Variants in IRS1 observed in about 807,000 individuals in gnomAD.
The protein encoded by IRS1 is insulin receptor substrate 1.
IRS1 carries 34 observed loss-of-function variants against 65.6 expected under a neutral mutation model. The observed-to-expected ratio is 0.52, with a 90% CI of 0.39 to 0.69. IRS1 has a LOEUF of 0.69. Among genes scored for constraint, IRS1 ranks in the 30% least tolerant of loss-of-function variants. The pLI is 0.00. For missense variants in IRS1, 1,641 were observed against 1,720.2 expected (o/e 0.95, Z 0.81); for synonymous variants, 699 against 683.5 (o/e 1.02, Z -0.35).
intron 1 of IRS1, among the ~76,000 whole-genome samples, chr2:226,793,549 T>G (rs1054316783): frequency 3.3e-5 from 5 of 152,246 alleles, no homozygotes; most frequent in African/African-American, 4.8e-5. Flanking sequence ...CTTTTTCTTG[T>G]TCTATAAAAT....
At chr2:226,786,231 T>A (rs1276262415) in intron 1 of IRS1, among the ~76,000 whole-genome samples, 1 of 151,902 alleles carries the variant, frequency 6.6e-6, no homozygotes, top group Non-Finnish European at 1.5e-5. Flanking sequence ...TATAGCAGCA[T>A]GATTTATAGT....
intron 1 of IRS1, among the ~76,000 whole-genome samples, chr2:226,757,796 A>C (rs762126975): frequency 4.6e-5 from 7 of 152,222 alleles, no homozygotes; most frequent in Non-Finnish European, 7.4e-5. Flanking sequence ...TTTCCCTTGA[A>C]CTTTGCTATT....
intron 1 of IRS1, among the ~76,000 whole-genome samples, chr2:226,768,995 C>A (rs1464550595): frequency 6.6e-6 from 1 of 152,160 alleles, no homozygotes; most frequent in African/African-American, 2.4e-5. Context: ...TTCAGTGACC[C>A]ATTCTCTAAC....
intron 1 of IRS1, among the ~76,000 whole-genome samples, chr2:226,778,301 G>A (rs1939312020): frequency 6.6e-6 from 1 of 152,100 alleles, no homozygotes; most frequent in Non-Finnish European, 1.5e-5. Context: ...TCTCTCACAT[G>A]TAAATGAAGG....
chr2:226,748,400 G>A (rs1014431520), intron 1 of IRS1, among the ~76,000 whole-genome samples: 1 of 134,622 alleles, frequency 7.4e-6, no homozygotes, highest in Admixed American at 8.1e-5. Flanking sequence ...CTGAACTCCA[G>A]CCTGGGAAAC....
chr2:226,758,872 TG>T (rs1203219451), intron 1 of IRS1, among the ~76,000 whole-genome samples: 15 of 152,150 alleles, frequency 9.9e-5, no homozygotes, highest in South Asian at 8.3e-4. Context: ...AAGTGAAATT[TG>T]TGATGCTCTA....
At chr2:226,790,179 A>G (rs2106181357) in intron 1 of IRS1, among the ~76,000 whole-genome samples, 1 of 152,314 alleles carries the variant, frequency 6.6e-6, no homozygotes, top group African/African-American at 2.4e-5. Context: ...CTGATGAAGA[A>G]ATAGGTCCAG....
In IRS1 at chr2:226,797,208, C is replaced by T; in HGVS notation, c.1531G>A (p.Ala511Thr). 6.2e-7 allele frequency: 1 copy of T among 1,613,682 alleles called. No individual in the cohort carries two copies. Among genetic ancestry groups the T allele is most frequent in the Non-Finnish European group, 8.5e-7 (1 of 1,180,000 alleles). The part of the protein sequence containing the change: ...GTSPALAGDE[A>T]ASAADLDNRF... ...TTATCCAGATCTGCAGCACTGGCTG[C>T]TTCATCCCCAGCCAAGGCTGGACTC... The change falls in exon 1 of 2, where the codon GCA becomes ACA. Residue 511 changes from alanine (A) to threonine (T), a missense_variant. By Grantham distance (58) the Ala-to-Thr change is moderately conservative. Around this residue, in one of 3 missense-constraint regions of IRS1, gnomAD observed 1,324 missense variants for 1,361.0 expected, o/e 0.97. Coordinates refer to ENST00000305123, the MANE Select transcript of IRS1 (RefSeq NM_005544.3). This position sits in a 1 kb window ranked among gnomAD's most constrained non-coding sequence, Gnocchi z 8.1.
At position 226,795,264 on chromosome 2, in the gene IRS1, C is replaced by T; in HGVS notation, c.3475G>A (p.Ala1159Thr). 1 of 1,613,880 alleles carries T rather than the reference C, an allele frequency of 6.2e-7. No individual in the cohort carries two copies. Among genetic ancestry groups the T allele is most frequent in the African/African-American group, 1.3e-5 (1 of 75,036 alleles). ...CACAGTTTGGCTGGCTCCTTGGGGG[C>T]TCCCCCAAGCTCCCCAGGCCTCAGC... ...VWLRPGELGGAPKEPAKLCGA... is the reference protein window; with the variant it reads ...VWLRPGELGGTPKEPAKLCGA... The change falls in exon 1 of 2, where the codon GCC (alanine) becomes ACC (threonine). Residue 1159 changes from alanine to threonine, a missense_variant. Transcript: ENST00000305123.
chr2:226,747,013 C>T (rs375344761), intron 1 of IRS1, among the ~76,000 whole-genome samples: 67 of 152,140 alleles, frequency 4.4e-4, no homozygotes, highest in East Asian at 3.3e-3. Flanking sequence ...TGGTCTCGAA[C>T]TCCTGACCTC....
At chr2:226,769,630 C>G (rs1334612684) in intron 1 of IRS1, among the ~76,000 whole-genome samples, 1 of 152,126 alleles carries the variant, frequency 6.6e-6, no homozygotes, top group African/African-American at 2.4e-5. Context: ...CTTATCAACC[C>G]ATCATTATAA....
At position 226,797,760 on chromosome 2, in the gene IRS1, G is replaced by T. The variant is rs1336723014; in HGVS notation, c.979C>A (p.Arg327Ser). 4 of 1,594,668 alleles carry T rather than the reference G, an allele frequency of 2.5e-6. No individual in the cohort carries two copies. Among genetic ancestry groups the T allele is most frequent in the Non-Finnish European group, 3.4e-6 (4 of 1,175,018 alleles). ...GTGCCTTCGCCGTCACTGGAGGCGC[G>T]GACACGGAAGGAGCCTGGCTTCCCG... ...VGGKPGSFRV[R>S]ASSDGEGTMS... Residue 327 changes from arginine to serine, a missense_variant, in exon 1 of 2, where the codon CGC (arginine) becomes AGC (serine). Arg to Ser is a moderately radical substitution (Grantham distance 110). Around this residue, in one of 3 missense-constraint regions of IRS1, gnomAD observed 1,324 missense variants for 1,361.0 expected, o/e 0.97. Coordinates refer to ENST00000305123, the MANE Select transcript of IRS1 (RefSeq NM_005544.3). The surrounding 1 kb of genome is among the most constrained non-coding windows in gnomAD (Gnocchi z 8.1).
In IRS1 at chr2:226,798,511, A is replaced by T; in HGVS notation, c.228T>A (p.Ala76=). The change falls in exon 1 of 2, where the codon GCT becomes GCA. Residue 76 remains alanine (A), a synonymous_variant. Coordinates refer to ENST00000305123, the MANE Select transcript of IRS1 (RefSeq NM_005544.3). The surrounding 1 kb of genome is among the most constrained non-coding windows in gnomAD (Gnocchi z 9.4). The part of the protein sequence containing the change: ...LESCFNINKR[A]DSKNKHLVAL... ...CCACCAGGTGCTTGTTCTTGGAGTCAGCCCGCTTGTTGATGTTGAAGCAGC... is the reference window on the plus strand; with the variant it reads ...CCACCAGGTGCTTGTTCTTGGAGTCTGCCCGCTTGTTGATGTTGAAGCAGC... 6.2e-7 allele frequency: 1 copy of T among 1,614,116 alleles called. No homozygotes were observed. Among genetic ancestry groups the T allele is most frequent in the African/African-American group, 1.3e-5 (1 of 75,058 alleles).
At chr2:226,736,842 T>A (rs1476655140) in intron 1 of IRS1, among the ~76,000 whole-genome samples, 1 of 152,204 alleles carries the variant, frequency 6.6e-6, no homozygotes, top group Admixed American at 6.5e-5. Flanking sequence ...AATAAGTTAT[T>A]TAGGCAGAAG....
rs777028285 is a variant in IRS1 at position 226,797,233 on chromosome 2, C to T, written c.1506G>A (p.Thr502=). 3 of 1,613,506 alleles carry T rather than the reference C, an allele frequency of 1.9e-6. No homozygotes were observed. Among genetic ancestry groups the T allele is most frequent in the South Asian group, 2.2e-5 (2 of 91,072 alleles). ...CTTCATCCCCAGCCAAGGCTGGACTCGTGCCCAAGCCTGTTCCTGGGGTGC... is the reference window on the plus strand; with the variant it reads ...CTTCATCCCCAGCCAAGGCTGGACTTGTGCCCAAGCCTGTTCCTGGGGTGC... ...HRCTPGTGLG[T]SPALAGDEAA... Residue 502 remains threonine (T), a synonymous_variant, in exon 1 of 2, where the codon ACG becomes ACA. Transcript: ENST00000305123. The surrounding 1 kb of genome is among the most constrained non-coding windows in gnomAD (Gnocchi z 8.1).
At chr2:226,757,928 C>T (rs892500854) in intron 1 of IRS1, among the ~76,000 whole-genome samples, 1 of 152,158 alleles carries the variant, frequency 6.6e-6, no homozygotes, top group Non-Finnish European at 1.5e-5. Flanking sequence ...AAGAATATCA[C>T]ATTTGTGTTT....
intron 1 of IRS1, among the ~76,000 whole-genome samples, chr2:226,776,617 T>C (rs1301308891): frequency 1.3e-5 from 2 of 152,136 alleles, no homozygotes; most frequent in Middle Eastern, 3.2e-3. Flanking sequence ...TTACAAAGTG[T>C]AATCCTTGGT....
intron 1 of IRS1, among the ~76,000 whole-genome samples, chr2:226,748,622 C>A (rs1938607062): frequency 6.6e-6 from 1 of 151,922 alleles, no homozygotes; most frequent in African/African-American, 2.4e-5. Context: ...AATATCCACA[C>A]CTCGGAAGAT....
At chr2:226,766,138 TATATATA>T (rs1559151919) in intron 1 of IRS1, among the ~76,000 whole-genome samples, 20 of 3,996 alleles carry the variant, frequency 5.0e-3, no homozygotes, top group African/African-American at 0.012. Context: ...TATATATATA[TATATATA>T]TATATATATA....
Sources: gnomAD v4.1 joint callset for allele counts (sites outside exome capture counted in the v4.1 genomes callset) on GRCh38, gnomAD v4.1.1 for gene constraint, gnomAD v4.1.1 regional missense constraint, Gnocchi (gnomAD v3.1) non-coding constraint, MANE v1.5 for transcripts, NCBI Gene and HGNC (gene_info 2026-07-23, HGNC 2026-07-21) for gene names.